The following ADAP1 variants were observed in gnomAD, a reference collection of about 807,000 sequenced individuals.
The protein encoded by ADAP1 is arf-GAP with dual PH domain-containing protein 1.
Under a neutral mutation model 54.9 loss-of-function variants are expected in ADAP1, and 31 were observed. The observed-to-expected ratio is 0.56, with a 90% CI of 0.42 to 0.76. The LOEUF is 0.76. Ranked by LOEUF, ADAP1 falls within the 30% of genes least tolerant of loss-of-function variation. The probability of loss-of-function intolerance (pLI) is 0.00; values close to 1 mark genes in which losing one functional copy is unlikely to be tolerated. For synonymous variants in ADAP1, 313 were observed against 202.6 expected (o/e 1.55, Z -4.63); for missense variants, 535 against 512.4 (o/e 1.04, Z -0.42).
intron 1 of ADAP1, among the ~76,000 whole-genome samples, 186 bp from the exon 2 acceptor site, chr7:935,691 G>T (rs1407567755): frequency 2.0e-5 from 3 of 147,904 alleles, no homozygotes; most frequent in Non-Finnish European, 4.5e-5. Context: ...CCCTCTGCCC[G>T]GTGCAGACGG....
intron 3 of ADAP1, among the ~76,000 whole-genome samples, chr7:921,914 C>A (rs1052481962): frequency 2.0e-5 from 3 of 152,308 alleles, no homozygotes; most frequent in Non-Finnish European, 4.4e-5. Flanking sequence ...GGGTCGGCAG[C>A]CCTGCCCTGG....
intron 3 of ADAP1, chr7:921,034 G>A (rs1171543959): frequency 1.6e-6 from 1 of 610,548 alleles, no homozygotes; most frequent in Non-Finnish European, 2.9e-6. Context: ...AGGTGTGTGT[G>A]TGTCCCCCAC....
In ADAP1 at chr7:954,380, C is replaced by A; in HGVS notation, c.82+16G>T. On this transcript the variant is annotated intron_variant, in intron 1 of 10. Transcript: ENST00000265846. ...CCGGACCCACCCGGCCCCGCGCCCA[C>A]CCGGCCCACACCTACCCGGGGCGCC... is the stretch of plus-strand genomic sequence containing the variant. The A allele has an allele frequency of 2.8e-6, 3 of 1,084,508 alleles. No individual in the cohort carries two copies. Among genetic ancestry groups the A allele is most frequent in the Non-Finnish European group, 3.4e-6 (3 of 891,902 alleles). The allele number at this position is 1,084,508 out of a possible 1,614,324, so 67.2% of individuals were successfully genotyped here.
At chr7:904,091 G>C (rs771992996) in intron 6 of ADAP1, 35 bp downstream of exon 6, 14 of 1,607,392 alleles carry the variant, frequency 8.7e-6, no homozygotes, top group Non-Finnish European at 1.1e-5. Context: ...CCACCCTCCT[G>C]TGCCACCCGG....
chr7:906,484 GA>G (rs1677172664), intron 4 of ADAP1, among the ~76,000 whole-genome samples: 83 of 103,648 alleles, frequency 8.0e-4, no homozygotes, highest in African/African-American at 2.4e-3. Context: ...AAGGAGAAAG[GA>G]GAAAGGGAAA....
In ADAP1 at chr7:911,487, G is replaced by A. The variant is rs151128237; in HGVS notation, c.389-6315C>T. Reference sequence around the variant, plus strand: ...GAGGCCCCCACACAGGGGCCCCAGCGCCCAAGAACAGCGAACCCTGACTCC... The same window carrying A: ...GAGGCCCCCACACAGGGGCCCCAGCACCCAAGAACAGCGAACCCTGACTCC... On this transcript the variant is annotated intron_variant, in intron 4 of 10. Transcript: ENST00000265846. Among the ~76,000 whole-genome samples, 1,230 of 152,116 alleles carry A rather than the reference G, an allele frequency of 8.1e-3. 7 individuals carry two copies. Among genetic ancestry groups the A allele is most frequent in the Middle Eastern group, 0.017 (5 of 294 alleles).
chr7:912,674 G>C (rs944109666), intron 4 of ADAP1, among the ~76,000 whole-genome samples: 4 of 152,178 alleles, frequency 2.6e-5, no homozygotes, highest in Non-Finnish European at 5.9e-5. Context: ...CGTGCACCTC[G>C]AGAGGTGTTT....
chr7:900,444 C>A, intron 7 of ADAP1, 89 bp downstream of exon 7: 1 of 1,386,004 alleles, frequency 7.2e-7, no homozygotes. Context: ...GGCTCAACAT[C>A]ATCCCAGACT....
chr7:900,965 G>A (rs1481394707), intron 6 of ADAP1: 2 of 535,356 alleles, frequency 3.7e-6, no homozygotes, highest in Admixed American at 2.3e-5. Context: ...TGGGGCCTGG[G>A]CCAACTTGCC....
intron 4 of ADAP1, among the ~76,000 whole-genome samples, chr7:906,776 A>AC (rs57543647): frequency 0.011 from 235 of 21,086 alleles, 16 homozygotes; most frequent in African/African-American, 0.031. Flanking sequence ...CATGGGGGAC[A>AC]GGGGACACGG....
intron 1 of ADAP1, among the ~76,000 whole-genome samples, chr7:936,300 A>C (rs975117682): frequency 6.6e-6 from 1 of 152,052 alleles, no homozygotes; most frequent in African/African-American, 2.4e-5. Flanking sequence ...TCCCGGGTTC[A>C]AGCGATTCTC....
At position 905,291 on chromosome 7, in the gene ADAP1, ACACGGACAG is replaced by A. The variant is rs1457456213; in HGVS notation, c.389-128_389-120del. ...AAGACACGGGGGACACGGACGGGGG[ACACGGACAG>A]GGGGAGACGGACGGGGAGAGGGGAC... On this transcript the variant is annotated intron_variant, in intron 4 of 10. Coordinates refer to ENST00000265846, the MANE Select transcript of ADAP1 (RefSeq NM_006869.4). The A allele has an allele frequency of 6.4e-4, 199 of 311,314 alleles. 31 individuals are homozygous for A. The African/African-American group carries it at 0.011, about 17-fold the overall frequency. The allele number at this position is 311,314 out of a possible 1,614,324, so 19.3% of individuals were successfully genotyped here.
intron 4 of ADAP1, among the ~76,000 whole-genome samples, chr7:916,635 C>A (rs573067471): frequency 8.5e-5 from 13 of 152,290 alleles, no homozygotes; most frequent in Admixed American, 7.8e-4. Flanking sequence ...TGTTCATCCC[C>A]TGACCGTTTC....
At chr7:900,392 C>G in intron 7 of ADAP1, 141 bp downstream of exon 7, 1 of 1,003,608 alleles carries the variant, frequency 1.0e-6, no homozygotes, top group Non-Finnish European at 1.5e-6. Context: ...GGGCTGCAGG[C>G]ACGTCAGGGT....
rs1053363129 is a variant in ADAP1, at chr7:920,314, C to T, written c.306-264G>A. On this transcript the variant is annotated intron_variant, in intron 3 of 10. Coordinates refer to ENST00000265846, the MANE Select transcript of ADAP1 (RefSeq NM_006869.4). This position sits in a 1 kb window ranked among gnomAD's most constrained non-coding sequence, Gnocchi z 4.5. The stretch of plus-strand genomic sequence containing the variant: ...GCCTCACGTTCTGCACAAGCGTTCC[C>T]GGTGGACGGGCTGGTGCCTCCCCTC... Among the ~76,000 whole-genome samples, 8 of 152,130 alleles carry T rather than the reference C, an allele frequency of 5.3e-5. No individual in the cohort carries two copies. Among genetic ancestry groups the T allele is most frequent in the Non-Finnish European group, 1.0e-4 (7 of 67,992 alleles).
In ADAP1 at chr7:920,657, A is replaced by G; in HGVS notation, c.306-607T>C. 1.3e-6 allele frequency: 1 copy of G among 769,562 alleles called. No homozygotes were observed. Among genetic ancestry groups the G allele is most frequent in the Non-Finnish European group, 2.0e-6 (1 of 493,240 alleles). The allele number at this position is 769,562 out of a possible 1,614,324, so 47.7% of individuals were successfully genotyped here. Reference sequence around the variant, plus strand: ...ACCGGCAAATACCCAAGAATCCAGGAAGACCCGGGATGAGGAGAAGCCCCC... The same window carrying G: ...ACCGGCAAATACCCAAGAATCCAGGGAGACCCGGGATGAGGAGAAGCCCCC... On this transcript the variant is annotated intron_variant, in intron 3 of 10. Transcript: ENST00000265846. The surrounding 1 kb of genome is among the most constrained non-coding windows in gnomAD (Gnocchi z 4.5).
chr7:923,391 C>G (rs981112371), intron 3 of ADAP1: 1 of 151,916 alleles, frequency 6.6e-6, no homozygotes, highest in Non-Finnish European at 1.5e-5. Flanking sequence ...TCACCCCTCA[C>G]CACACAGGAA....
At chr7:910,417 G>A (rs966050840) in intron 4 of ADAP1, among the ~76,000 whole-genome samples, 1 of 152,066 alleles carries the variant, frequency 6.6e-6, no homozygotes, top group Admixed American at 6.6e-5. Context: ...ACCCGGCTAA[G>A]TTCTGTATTT....
rs1846616440 is a variant in ADAP1 at position 932,505 on chromosome 7, G to C, written c.213+2870C>G. 2.0e-5 allele frequency among the ~76,000 whole-genome samples: 3 copies of C among 152,208 alleles called. No individual in the cohort carries two copies. The South Asian group carries it at 6.2e-4, about 32-fold the overall frequency. Reference sequence around the variant, plus strand: ...CAGGGACTCAGGGCTGTTTCCTCCAGGAGTGATGGCAGAGCAACTTGGAGA... The same window carrying C: ...CAGGGACTCAGGGCTGTTTCCTCCACGAGTGATGGCAGAGCAACTTGGAGA... On this transcript the variant is annotated intron_variant, in intron 2 of 10. Coordinates refer to ENST00000265846, the MANE Select transcript of ADAP1 (RefSeq NM_006869.4).
Sources: allele counts gnomAD v4.1 joint callset (sites outside exome capture counted in the v4.1 genomes callset), GRCh38; gene constraint gnomAD v4.1.1; non-coding constraint Gnocchi (gnomAD v3.1); transcripts MANE v1.5; gene names NCBI Gene and HGNC (gene_info 2026-07-23, HGNC 2026-07-21).